The following PCDHGB1 variants were observed in gnomAD, a reference collection of about 807,000 sequenced individuals.
PCDHGB1 encodes the protein protocadherin gamma-B1.
Under a neutral mutation model 56.6 loss-of-function variants are expected in PCDHGB1, and 34 were observed. The ratio of observed to expected loss-of-function variants is 0.60; its 90% CI spans 0.46 to 0.80. The LOEUF is 0.80. PCDHGB1 is among the 30% of genes least tolerant of loss of function. The pLI, the probability that PCDHGB1 is intolerant of heterozygous loss-of-function variation, is 0.00. For synonymous variants in PCDHGB1, 561 were observed against 505.9 expected, an observed-to-expected ratio of 1.11 and a Z score of -1.46; for missense variants, 1,278 against 1,204.6, an observed-to-expected ratio of 1.06 and a Z score of -0.90.
At chr5:141,413,054 A>T in intron 1 of PCDHGB1, 1 of 981,732 alleles carries the variant, frequency 1.0e-6, no homozygotes, top group Non-Finnish European at 1.5e-6. Context: ...AGGGAAGCTC[A>T]CTCCAGAATT....
intron 1 of PCDHGB1, among the ~76,000 whole-genome samples, chr5:141,473,132 T>C (rs2099314792): frequency 6.6e-6 from 1 of 152,230 alleles, no homozygotes; most frequent in Non-Finnish European, 1.5e-5. Context: ...TGGCAAACTA[T>C]ATTATCTCTT....
intron 3 of PCDHGB1, among the ~76,000 whole-genome samples, chr5:141,510,741 C>A (rs11953770): frequency 1.3e-5 from 2 of 152,138 alleles, no homozygotes; most frequent in Non-Finnish European, 1.5e-5. Context: ...GGAATCAAAC[C>A]TAGACTTTCT....
rs775712620 is a variant in PCDHGB1, at chr5:141,491,341, G to T, written c.2410-3466G>T. 1 of 1,613,982 alleles carries T rather than the reference G, an allele frequency of 6.2e-7. No homozygotes were observed. The highest frequency in any genetic ancestry group is 8.5e-7 in the Non-Finnish European group (1 of 1,180,016). ...TTACCTCATTGTGGCTCTAGCGACC[G>T]TCAGTCTCTTATCCCTAGTCACCTT... On this transcript the variant is annotated intron_variant, in intron 1 of 3. Coordinates refer to ENST00000523390, the MANE Select transcript of PCDHGB1 (RefSeq NM_018922.3). The surrounding 1 kb of genome is among the most constrained non-coding windows in gnomAD (Gnocchi z 6.9).
chr5:141,475,739 T>C (rs190533989), intron 1 of PCDHGB1, among the ~76,000 whole-genome samples: 593 of 152,384 alleles, frequency 3.9e-3, no homozygotes, highest in Non-Finnish European at 6.7e-3. Flanking sequence ...TTCCCTAAGG[T>C]AGGTTTCCTA....
intron 1 of PCDHGB1, chr5:141,371,678 C>A: frequency 2.5e-6 from 4 of 1,614,040 alleles, no homozygotes; most frequent in Non-Finnish European, 3.4e-6. Flanking sequence ...CCGACAAAGG[C>A]AATCCACCGC....
chr5:141,434,820 G>A (rs953824837), intron 1 of PCDHGB1, among the ~76,000 whole-genome samples: 1 of 151,302 alleles, frequency 6.6e-6, no homozygotes, highest in Admixed American at 6.6e-5. Flanking sequence ...ATATCCCTTA[G>A]TACACTTGGC....
At chr5:141,495,175 C>T (rs1337353259) in intron 2 of PCDHGB1, among the ~76,000 whole-genome samples, 1 of 152,182 alleles carries the variant, frequency 6.6e-6, no homozygotes, top group Admixed American at 6.5e-5. Context: ...TGGGTGAAAG[C>T]GAGGCTTTCT....
intron 1 of PCDHGB1, among the ~76,000 whole-genome samples, chr5:141,468,088 G>T (rs186503104): frequency 6.6e-6 from 1 of 152,186 alleles, no homozygotes; most frequent in East Asian, 1.9e-4. Context: ...ACTTTGGGAG[G>T]TTGAGGCAGG....
chr5:141,382,882 A>G, intron 1 of PCDHGB1: 1 of 1,528,134 alleles, frequency 6.5e-7, no homozygotes, highest in Non-Finnish European at 8.8e-7. Context: ...GCGCCTAAGC[A>G]AGAGAAGCAG....
At position 141,364,595 on chromosome 5, in the gene PCDHGB1, A is replaced by G. The variant is rs769751864; in HGVS notation, c.2409+11926A>G. ...AAGCGGCAGCTTGGTCACCGCGGGC[A>G]GGATAGACCGGGAGGAGCTCTGCGC... On this transcript the variant is annotated intron_variant, in intron 1 of 3. Transcript: ENST00000523390. 2.5e-6 allele frequency: 4 copies of G among 1,614,210 alleles called. No homozygotes were observed. The highest frequency in any genetic ancestry group is 1.1e-5 in the South Asian group (1 of 91,092).
rs1236959966 is a variant in PCDHGB1, at chr5:141,511,984, G to C, written c.*811G>C. On this transcript the variant is annotated 3_prime_UTR_variant, in exon 4 of 4. Transcript: ENST00000523390. ...GGGAAGTGTGTGGATGTGGATGGTGGGGGCATGGACAAAGCTTGACACATC... is the reference window on the plus strand; with the variant it reads ...GGGAAGTGTGTGGATGTGGATGGTGCGGGCATGGACAAAGCTTGACACATC... 1 of 153,294 alleles carries C rather than the reference G, an allele frequency of 6.5e-6. No individual in the cohort carries two copies. Among genetic ancestry groups the C allele is most frequent in the African/African-American group, 2.4e-5 (1 of 41,452 alleles). 9.5% of individuals were successfully genotyped at this position (153,294 alleles called of 1,614,324 possible). A position where few individuals can be genotyped will look rare whatever the true frequency, so the allele number is the denominator to read the frequency against.
At chr5:141,381,977 G>T (rs61025717) in intron 1 of PCDHGB1, among the ~76,000 whole-genome samples, 22 of 151,370 alleles carry the variant, frequency 1.5e-4, no homozygotes, top group African/African-American at 5.3e-4. Context: ...TTACAGGCGC[G>T]CGCCACCACG....
intron 1 of PCDHGB1, chr5:141,360,248 C>T (rs765556005): frequency 6.2e-7 from 1 of 1,613,920 alleles, no homozygotes; most frequent in South Asian, 1.1e-5. Context: ...TATTCAATTC[C>T]AGAGGAGCTG....
intron 1 of PCDHGB1, among the ~76,000 whole-genome samples, chr5:141,473,350 G>A (rs28461214): frequency 0.13 from 19,833 of 152,204 alleles, 1,410 homozygotes; most frequent in African/African-American, 0.17. Context: ...CAGTGAGGAT[G>A]CAAGTGGCCA....
chr5:141,374,386 G>A (rs933509212), intron 1 of PCDHGB1: 6 of 1,613,940 alleles, frequency 3.7e-6, no homozygotes, highest in Admixed American at 1.7e-5. Context: ...AGAGCCCGCG[G>A]TGTCTGGTGA....
intron 1 of PCDHGB1, among the ~76,000 whole-genome samples, chr5:141,461,739 C>T (rs1048636018): frequency 3.9e-5 from 6 of 152,134 alleles, no homozygotes; most frequent in Non-Finnish European, 7.4e-5. Context: ...GGCACAATCC[C>T]GGCTCCCAGA....
At chr5:141,398,565 A>C in intron 1 of PCDHGB1, 1 of 1,614,040 alleles carries the variant, frequency 6.2e-7, no homozygotes, top group Non-Finnish European at 8.5e-7. Context: ...GTGAGTCTGC[A>C]CAGCCTGGCA....
At chr5:141,415,740 GTT>G (rs57426385) in intron 1 of PCDHGB1, 13,277 of 614,848 alleles carry the variant, frequency 0.022, 3 homozygotes, top group South Asian at 0.023. Context: ...GTTTATTAAG[GTT>G]TTTTTTTTTT....
chr5:141,445,388 A>G (rs2098465525), intron 1 of PCDHGB1, among the ~76,000 whole-genome samples: 2 of 152,212 alleles, frequency 1.3e-5, no homozygotes, highest in African/African-American at 4.8e-5. Flanking sequence ...TCATTCATTT[A>G]CATAACAAAT....
Sources: allele counts gnomAD v4.1 joint callset (sites outside exome capture counted in the v4.1 genomes callset), GRCh38; gene constraint gnomAD v4.1.1; non-coding constraint Gnocchi (gnomAD v3.1); transcripts MANE v1.5; gene names NCBI Gene and HGNC (gene_info 2026-07-23, HGNC 2026-07-21).